The following INPP1 variants were observed in gnomAD, a reference collection of about 807,000 sequenced individuals.
INPP1 encodes inositol polyphosphate-1-phosphatase, also known as inositol polyphosphate 1-phosphatase.
Under a neutral mutation model 23.0 loss-of-function variants are expected in INPP1, and 18 were observed. That is an observed-to-expected ratio of 0.78 (90% CI 0.54 to 1.16). The LOEUF (loss-of-function observed/expected upper bound fraction) is 1.16, where lower values mean the gene tolerates loss of function less well. INPP1 is among the 50% of genes most tolerant of loss of function. The pLI, the probability that INPP1 is intolerant of heterozygous loss-of-function variation, is 0.00. For synonymous variants in INPP1, 164 were observed against 176.3 expected (o/e 0.93, Z 0.55); for missense variants, 448 against 482.1 (o/e 0.93, Z 0.66).
chr2:190,369,121 TA>T lies in INPP1; in HGVS notation c.489del (p.Gly164ValfsTer22). The T allele has an allele frequency of 6.3e-7, 1 of 1,596,890 alleles. No individual in the cohort carries two copies. Among genetic ancestry groups the T allele is most frequent in the Non-Finnish European group, 8.6e-7 (1 of 1,168,848 alleles). On this transcript the variant is annotated frameshift_variant, in exon 6 of 7. Transcript: ENST00000392329. LOFTEE classifies it high-confidence loss of function. ...VDPIDSTYQY[I>X]KGSADIKSNQ... ...TTTTCAGATTCAACTTATCAGTATA[TA>T]AAAGGTTCTGCTGACATTAAATCCA...
In INPP1 at chr2:190,354,329, A is replaced by G. The variant is rs1689377474; in HGVS notation, c.-65+5298A>G. Among the ~76,000 whole-genome samples, 1 of 152,256 alleles carries G rather than the reference A, an allele frequency of 6.6e-6. No individual in the cohort carries two copies. Among genetic ancestry groups the G allele is most frequent in the African/African-American group, 2.4e-5 (1 of 41,472 alleles). ...TGTCAGCTAATAGATTGGGTCGCTA[A>G]GGTAACCACGGCCTGTCTTTCAGGA... On this transcript the variant is annotated intron_variant, in intron 2 of 6. Transcript: ENST00000392329. The surrounding 1 kb of genome is among the most constrained non-coding windows in gnomAD (Gnocchi z 4.8).
At chr2:190,360,592 A>C (rs1403178254) in intron 3 of INPP1, among the ~76,000 whole-genome samples, 1 of 152,218 alleles carries the variant, frequency 6.6e-6, no homozygotes, top group African/African-American at 2.4e-5. Context: ...CTTACTAATG[A>C]ATTTCTTCTT....
intron 2 of INPP1, among the ~76,000 whole-genome samples, chr2:190,353,354 T>A (rs1689359082): frequency 6.6e-6 from 1 of 152,316 alleles, no homozygotes; most frequent in Non-Finnish European, 1.5e-5. Flanking sequence ...AGCAATCAGA[T>A]CTGGCCGACA....
Position 190,352,775 on chromosome 2 carries a change from C to T in INPP1, c.-65+3744C>T, listed in dbSNP as rs531224377. Among the ~76,000 whole-genome samples the T allele has an allele frequency of 1.6e-4, 24 of 152,368 alleles. No homozygotes were observed. In the South Asian group the frequency reaches 4.8e-3, roughly 30 times the overall value. On this transcript the variant is annotated intron_variant, in intron 2 of 6. Coordinates refer to ENST00000392329, the MANE Select transcript of INPP1 (RefSeq NM_001128928.2). The surrounding 1 kb of genome is among the most constrained non-coding windows in gnomAD (Gnocchi z 4.7). The stretch of plus-strand genomic sequence containing the variant: ...CACTGCCATCATGTGGCCACCTACA[C>T]AGACTCCTGGACAGCTGTACCCCCT...
chr2:190,359,487 G>A (rs1689490145), intron 2 of INPP1, among the ~76,000 whole-genome samples: 1 of 151,270 alleles, frequency 6.6e-6, no homozygotes, highest in Admixed American at 6.6e-5. Context: ...AACCCGGGAG[G>A]TGGAGCTTGC....
chr2:190,360,137 CTG>C lies in INPP1; in HGVS notation c.36_37del (p.Lys14GlyfsTer3), dbSNP rs1689506177. The stretch of plus-strand genomic sequence containing the variant: ...ATCCTCCGGGAGCTGCTCTGTGTCT[CTG>C]AGAAGGCTGCTAACATTGCCCGGGC... On this transcript the variant is annotated frameshift_variant, in exon 3 of 7. Coordinates refer to ENST00000392329, the MANE Select transcript of INPP1 (RefSeq NM_001128928.2). LOFTEE classifies it high-confidence loss of function. The C allele has an allele frequency of 6.2e-7, 1 of 1,613,838 alleles. No homozygotes were observed. Among genetic ancestry groups the C allele is most frequent in the East Asian group, 2.2e-5 (1 of 44,884 alleles).
rs2124924041 is a variant in INPP1, at chr2:190,355,326, C to A, written c.-64-4713C>A. Among the ~76,000 whole-genome samples the A allele has an allele frequency of 6.6e-6, 1 of 152,344 alleles. No individual in the cohort carries two copies. Among genetic ancestry groups the A allele is most frequent in the South Asian group, 2.1e-4 (1 of 4,830 alleles). Reference sequence around the variant, plus strand: ...GTTAGCTGTTTCAATTTTAACCTATCTCTGCACAAGAATAACAGATAGCAA... The same window carrying A: ...GTTAGCTGTTTCAATTTTAACCTATATCTGCACAAGAATAACAGATAGCAA... On this transcript the variant is annotated intron_variant, in intron 2 of 6. Transcript: ENST00000392329. The surrounding 1 kb of genome is among the most constrained non-coding windows in gnomAD (Gnocchi z 5.1).
At chr2:190,362,321 C>T (rs1444593773) in intron 3 of INPP1, among the ~76,000 whole-genome samples, 1 of 152,138 alleles carries the variant, frequency 6.6e-6, no homozygotes, top group Non-Finnish European at 1.5e-5. Context: ...AATTCTATGG[C>T]CCTTAAGTAG....
intron 2 of INPP1, among the ~76,000 whole-genome samples, chr2:190,351,776 G>A (rs1158326706): frequency 1.3e-5 from 2 of 152,146 alleles, no homozygotes; most frequent in Admixed American, 1.3e-4. Context: ...TCACAAGTAC[G>A]TGTCTTTTAA....
intron 3 of INPP1, 95 bp downstream of exon 3, chr2:190,360,401 A>T (rs1042386372): frequency 8.4e-6 from 8 of 948,530 alleles, no homozygotes; most frequent in Middle Eastern, 2.7e-4. Flanking sequence ...CACCCCTATC[A>T]GTATACTAGC....
Position 190,371,523 on chromosome 2 carries a change from G to T in INPP1, c.*121G>T, listed in dbSNP as rs1166404885. ...AACATTCACCTTCCTCTTTTGAGGAGTATTTTTCCATTATGTATTCATAAT... is the reference window on the plus strand; with the variant it reads ...AACATTCACCTTCCTCTTTTGAGGATTATTTTTCCATTATGTATTCATAAT... On this transcript the variant is annotated 3_prime_UTR_variant, in exon 7 of 7. Coordinates refer to ENST00000392329, the MANE Select transcript of INPP1 (RefSeq NM_001128928.2). This position sits in a 1 kb window ranked among gnomAD's most constrained non-coding sequence, Gnocchi z 5.3. The T allele has an allele frequency of 1.6e-6, 1 of 621,934 alleles. No homozygotes were observed. The highest frequency in any genetic ancestry group is 3.6e-5 in the South Asian group (1 of 27,456). 38.5% of individuals were successfully genotyped at this position (621,934 alleles called of 1,614,324 possible).
intron 2 of INPP1, among the ~76,000 whole-genome samples, chr2:190,350,220 C>G (rs1482055465): frequency 2.0e-5 from 3 of 152,176 alleles, no homozygotes; most frequent in Admixed American, 6.5e-5. Context: ...CGAAATTCAT[C>G]CTTTATAAAA....
At chr2:190,364,590 A>ATTT (rs1157989437) in intron 4 of INPP1, among the ~76,000 whole-genome samples, 15 of 50,946 alleles carry the variant, frequency 2.9e-4, no homozygotes, top group South Asian at 4.9e-4. Context: ...TGAGGTTCTG[A>ATTT]TTTTTTTTTT....
rs141439287 is a variant in INPP1 at position 190,356,688 on chromosome 2, G to C, written c.-64-3351G>C. 6.6e-6 allele frequency: 1 copy of C among 152,120 alleles called. No individual in the cohort carries two copies. The highest frequency in any genetic ancestry group is 1.9e-4 in the East Asian group (1 of 5,202). The allele number at this position is 152,120 out of a possible 1,614,324, so 9.4% of individuals were successfully genotyped here. A position where few individuals can be genotyped will look rare whatever the true frequency, so the allele number is the denominator to read the frequency against. ...TCTTGGTTATTCAACAGTGTAGTTA[G>C]TATCGTTTCTTTTAAGAAAAAAAAT... is the stretch of plus-strand genomic sequence containing the variant. On this transcript the variant is annotated intron_variant, in intron 2 of 6. Transcript: ENST00000392329. The surrounding 1 kb of genome is among the most constrained non-coding windows in gnomAD (Gnocchi z 6.4).
rs137951347 is a variant in INPP1 at position 190,360,303 on chromosome 2, C to A, written c.201C>A (p.Asn67Lys). 9.9e-6 allele frequency: 16 copies of A among 1,613,718 alleles called. No individual in the cohort carries two copies. Among genetic ancestry groups the A allele is most frequent in the Admixed American group, 1.7e-5 (1 of 60,000 alleles). ...AAGTTATAAAACAGAATATGGAGAA[C>A]AAGGTAAGAAAGGTCATAGCCAAGG... ...VQEVIKQNME[N>K]KFPGLEKNIF... The change falls in exon 3 of 7, where the codon AAC becomes AAA. Residue 67 changes from asparagine (N) to lysine (K), a missense_variant. Coordinates refer to ENST00000392329, the MANE Select transcript of INPP1 (RefSeq NM_001128928.2).
In INPP1 at chr2:190,355,745, A is replaced by G. The variant is rs1359422833; in HGVS notation, c.-64-4294A>G. 1.3e-5 allele frequency among the ~76,000 whole-genome samples: 2 copies of G among 152,216 alleles called. No individual in the cohort carries two copies. The highest frequency in any genetic ancestry group is 2.4e-5 in the African/African-American group (1 of 41,440). On this transcript the variant is annotated intron_variant, in intron 2 of 6. Coordinates refer to ENST00000392329, the MANE Select transcript of INPP1 (RefSeq NM_001128928.2). This position sits in a 1 kb window ranked among gnomAD's most constrained non-coding sequence, Gnocchi z 5.1. ...TTTTTATTTAAAGTACAGTGTTGAA[A>G]TAAAGTGGTCTTAGGTGAATGATGA...
intron 2 of INPP1, among the ~76,000 whole-genome samples, chr2:190,358,217 T>A (rs1689457675): frequency 6.6e-6 from 1 of 151,814 alleles, no homozygotes; most frequent in African/African-American, 2.4e-5. Context: ...TAGCTGAGAC[T>A]ACAGGCGTGG....
intron 2 of INPP1, among the ~76,000 whole-genome samples, chr2:190,349,399 T>C (rs1045264528): frequency 1.3e-5 from 2 of 152,192 alleles, no homozygotes; most frequent in Non-Finnish European, 2.9e-5. Context: ...ACTGTACCAT[T>C]GCACTCTAGC....
In INPP1 at chr2:190,367,588, C is replaced by T. The variant is rs932689974; in HGVS notation, c.466+693C>T. 2.0e-5 allele frequency among the ~76,000 whole-genome samples: 3 copies of T among 152,080 alleles called. No homozygotes were observed. The highest frequency in any genetic ancestry group is 7.2e-5 in the African/African-American group (3 of 41,396). On this transcript the variant is annotated intron_variant, in intron 5 of 6. Transcript: ENST00000392329. This position sits in a 1 kb window ranked among gnomAD's most constrained non-coding sequence, Gnocchi z 4.1. The stretch of plus-strand genomic sequence containing the variant: ...TTTTGAGACAGAGTCTCGTGTTGCA[C>T]ACAGGCTGGAGTGCAGTGGCACAGT...
Sources: gnomAD v4.1 joint callset for allele counts (sites outside exome capture counted in the v4.1 genomes callset) on GRCh38, gnomAD v4.1.1 for gene constraint, Gnocchi (gnomAD v3.1) non-coding constraint, MANE v1.5 for transcripts, NCBI Gene and HGNC (gene_info 2026-07-23, HGNC 2026-07-21) for gene names.